Variants in LCORL observed in about 807,000 individuals in gnomAD.
LCORL encodes the protein ligand dependent nuclear receptor corepressor like.
LCORL carries 41 observed loss-of-function variants against 141.8 expected under a neutral mutation model. The observed-to-expected ratio is 0.29, with a 90% CI of 0.23 to 0.38. The LOEUF (loss-of-function observed/expected upper bound fraction) is 0.38, where lower values mean the gene tolerates loss of function less well. Among genes scored for constraint, LCORL ranks in the 10% least tolerant of loss-of-function variants. The pLI is 1.00. For missense variants in LCORL, 1,759 were observed against 2,035.0 expected (o/e 0.86, Z 2.61); for synonymous variants, 618 against 694.1 (o/e 0.89, Z 1.72).
intron 1 of LCORL, among the ~76,000 whole-genome samples, chr4:17,973,141 T>C (rs577391579): frequency 6.6e-6 from 1 of 151,960 alleles, no homozygotes; most frequent in African/African-American, 2.4e-5. Flanking sequence ...AACTTTATCA[T>C]TTATAAGTAT....
In LCORL at chr4:17,883,852, T is replaced by C. The variant is rs547682002; in HGVS notation, c.776+2216A>G. 128 of 1,550,632 alleles carry C rather than the reference T, an allele frequency of 8.3e-5. No individual in the cohort carries two copies. In the East Asian group the frequency reaches 2.7e-3, roughly 33 times the overall value. On this transcript the variant is annotated intron_variant, in intron 6 of 7. Transcript: ENST00000635767. ...TTCCAGATCTTTCTTTTACCTTGTA[T>C]TCTAAAGTGCTGTGAGGTACCCCAT...
intron 4 of LCORL, among the ~76,000 whole-genome samples, chr4:17,922,050 C>T (rs1734381491): frequency 6.6e-6 from 1 of 152,168 alleles, no homozygotes; most frequent in Admixed American, 6.5e-5. Context: ...GGGACTCAGG[C>T]TGGCTTCCTT....
At chr4:17,896,928 A>G (rs1730023141) in intron 5 of LCORL, among the ~76,000 whole-genome samples, 1 of 151,878 alleles carries the variant, frequency 6.6e-6, no homozygotes, top group Non-Finnish European at 1.5e-5. Flanking sequence ...CATGAGTTCA[A>G]TTGCTTTAAT....
intron 1 of LCORL, among the ~76,000 whole-genome samples, chr4:18,003,773 T>C (rs538232842): frequency 2.6e-5 from 4 of 152,204 alleles, no homozygotes; most frequent in Non-Finnish European, 4.4e-5. Context: ...TTACAATCAC[T>C]CTATCAACTG....
At chr4:17,907,614 T>C (rs1208933220) in intron 5 of LCORL, among the ~76,000 whole-genome samples, 3 of 152,194 alleles carry the variant, frequency 2.0e-5, no homozygotes, top group Admixed American at 1.3e-4. Context: ...GATATTTTTT[T>C]CCTTAAGCCT....
intron 1 of LCORL, among the ~76,000 whole-genome samples, chr4:17,994,349 C>T (rs937216413): frequency 2.0e-5 from 3 of 152,172 alleles, no homozygotes; most frequent in African/African-American, 4.8e-5. Context: ...CCCTGACCCC[C>T]GCACCTGCCA....
chr4:17,970,196 T>G (rs931935569), intron 2 of LCORL, among the ~76,000 whole-genome samples: 1 of 152,278 alleles, frequency 6.6e-6, no homozygotes, highest in East Asian at 1.9e-4. Flanking sequence ...ACTGACCAGA[T>G]AGAAGATCCA....
At chr4:17,913,399 T>C (rs1207873694) in intron 4 of LCORL, among the ~76,000 whole-genome samples, 1 of 152,188 alleles carries the variant, frequency 6.6e-6, no homozygotes, top group Non-Finnish European at 1.5e-5. Context: ...GCTTTACCAA[T>C]ATAATCCTGA....
At chr4:17,859,285 T>C (rs910757264) in intron 7 of LCORL, among the ~76,000 whole-genome samples, 4 of 152,170 alleles carry the variant, frequency 2.6e-5, no homozygotes, top group African/African-American at 7.2e-5. Flanking sequence ...AGGTTAAGTG[T>C]ATTAAATGAA....
intron 1 of LCORL, among the ~76,000 whole-genome samples, chr4:18,005,482 A>G (rs1474287138): frequency 6.6e-6 from 1 of 152,202 alleles, no homozygotes; most frequent in Non-Finnish European, 1.5e-5. Flanking sequence ...GCAGTGTCCC[A>G]GCAGGGACTC....
At chr4:17,882,921 AAAAC>A (rs1341979538) in intron 6 of LCORL, 19 of 941,616 alleles carry the variant, frequency 2.0e-5, no homozygotes, top group Non-Finnish European at 2.3e-5. Flanking sequence ...TTTCAAATGA[AAAAC>A]AAAACTAAAT....
At chr4:18,019,867 G>A (rs1014610874) in intron 1 of LCORL, among the ~76,000 whole-genome samples, 5 of 152,020 alleles carry the variant, frequency 3.3e-5, no homozygotes, top group Non-Finnish European at 7.4e-5. Context: ...CTTTACATAA[G>A]CAATTATCAA....
chr4:17,861,746 T>A (rs1035992255), intron 7 of LCORL, among the ~76,000 whole-genome samples: 8 of 152,190 alleles, frequency 5.3e-5, no homozygotes, highest in Admixed American at 1.3e-4. Context: ...AGTTTCCTCT[T>A]GAATGCTTTG....
rs199551309 is a variant in LCORL, at chr4:17,921,190, A to ATT, written c.431-11847_431-11846dup. Among the ~76,000 whole-genome samples the ATT allele has an allele frequency of 6.0e-5, 9 of 148,922 alleles. 1 individual carries two copies. Among genetic ancestry groups the ATT allele is most frequent in the East Asian group, 4.0e-4 (2 of 5,056 alleles). On this transcript the variant is annotated intron_variant, in intron 4 of 7. Coordinates refer to ENST00000635767, the Ensembl canonical transcript of LCORL. ...AGGCACACACCACCACACCTGGTTG[A>ATT]TTTTTTTTTTGTATTTTAGTAGAGA...
intron 2 of LCORL, among the ~76,000 whole-genome samples, chr4:17,965,418 AAAC>A (rs774038266): frequency 1.5e-4 from 23 of 152,156 alleles, no homozygotes; most frequent in Admixed American, 2.0e-4. Flanking sequence ...TTAATCTCTC[AAAC>A]AACGAATAAG....
At chr4:18,002,212 A>C (rs1194864655) in intron 1 of LCORL, among the ~76,000 whole-genome samples, 1 of 152,180 alleles carries the variant, frequency 6.6e-6, no homozygotes, top group Non-Finnish European at 1.5e-5. Flanking sequence ...AAGATTGAAA[A>C]ACAATGAACC....
intron 7 of LCORL, among the ~76,000 whole-genome samples, chr4:17,861,902 C>T (rs183094865): frequency 4.6e-4 from 70 of 152,278 alleles, no homozygotes; most frequent in African/African-American, 1.4e-3. Context: ...CCAACAAGTT[C>T]CTCATCTCCA....
Position 18,021,729 on chromosome 4 carries a change from A to G in LCORL, c.23T>C (p.Met8Thr). The G allele has an allele frequency of 6.6e-7, 1 of 1,522,908 alleles. No homozygotes were observed. The highest frequency in any genetic ancestry group is 8.8e-7 in the Non-Finnish European group (1 of 1,134,150). 94.3% of individuals were successfully genotyped at this position (1,522,908 alleles called of 1,614,324 possible). A position where few individuals can be genotyped will look rare whatever the true frequency, so the allele number is the denominator to read the frequency against. ...GGCAGCAGCGGCGGCGGCAGCGGCC[A>G]TTCTCTCTCTTCCCTTGTCCATCTG... The change falls in exon 1 of 8, where the codon ATG becomes ACG. Residue 8 changes from methionine to threonine, a missense_variant. Coordinates refer to ENST00000635767, the Ensembl canonical transcript of LCORL. This position sits in a 1 kb window ranked among gnomAD's most constrained non-coding sequence, Gnocchi z 5.5.
At chr4:17,883,831 A>C (rs1271609977) in intron 6 of LCORL, 1 of 1,550,592 alleles carries the variant, frequency 6.4e-7, no homozygotes, top group South Asian at 1.2e-5. Flanking sequence ...TCAGTGTTCC[A>C]GATCTTTCTT....
Sources: gnomAD v4.1 joint callset for allele counts (sites outside exome capture counted in the v4.1 genomes callset) on GRCh38, gnomAD v4.1.1 for gene constraint, Gnocchi (gnomAD v3.1) non-coding constraint, MANE v1.5 for transcripts, NCBI Gene and HGNC (gene_info 2026-07-23, HGNC 2026-07-21) for gene names.